Variants in BTBD9 observed in about 807,000 individuals in gnomAD.
BTBD9 encodes the protein BTB/POZ domain-containing protein 9.
A neutral mutation model predicts 64.3 loss-of-function variants in BTBD9; 49 were observed. The ratio of observed to expected loss-of-function variants is 0.76; its 90% CI spans 0.61 to 0.97. BTBD9 has a LOEUF of 0.97. Ranked by LOEUF, BTBD9 falls within the 50% of genes least tolerant of loss-of-function variation. BTBD9 has a pLI of 0.00. For synonymous variants in BTBD9, 260 were observed against 274.7 expected (o/e 0.95, Z 0.53); for missense variants, 598 against 762.1 (o/e 0.78, Z 2.53).
intron 6 of BTBD9, among the ~76,000 whole-genome samples, chr6:38,424,835 T>TTATTA (rs1768074472): frequency 6.6e-6 from 1 of 150,840 alleles, no homozygotes; most frequent in African/African-American, 2.4e-5. Flanking sequence ...TTATTTTATT[T>TTATTA]TTATTATTAT....
At chr6:38,267,807 G>A (rs1433636373) in intron 8 of BTBD9, among the ~76,000 whole-genome samples, 4 of 152,140 alleles carry the variant, frequency 2.6e-5, no homozygotes, top group African/African-American at 9.7e-5. Flanking sequence ...GGGCGAGGTG[G>A]CAGGCGCCTG....
chr6:38,557,362 T>A (rs1174904302), intron 6 of BTBD9, among the ~76,000 whole-genome samples: 1 of 151,976 alleles, frequency 6.6e-6, no homozygotes, highest in Non-Finnish European at 1.5e-5. Context: ...AATAAATAAA[T>A]AAATAATAAA....
At chr6:38,364,445 T>G (rs919126959) in intron 6 of BTBD9, among the ~76,000 whole-genome samples, 3 of 152,360 alleles carry the variant, frequency 2.0e-5, no homozygotes, top group African/African-American at 7.2e-5. Flanking sequence ...AAGTGATATG[T>G]AATTTTCTAT....
At chr6:38,220,927 T>C (rs1192552715) in intron 9 of BTBD9, among the ~76,000 whole-genome samples, 2 of 152,268 alleles carry the variant, frequency 1.3e-5, no homozygotes, top group East Asian at 3.9e-4. Flanking sequence ...AGAGAAAGGC[T>C]CTCCAAGGTC....
chr6:38,266,514 A>G (rs1182311231), intron 8 of BTBD9, among the ~76,000 whole-genome samples: 3 of 151,960 alleles, frequency 2.0e-5, no homozygotes, highest in Admixed American at 6.6e-5. Flanking sequence ...AGGGGGTTGC[A>G]GGGAGCCGAG....
At chr6:38,524,609 C>T (rs1036096973) in intron 6 of BTBD9, among the ~76,000 whole-genome samples, 2 of 151,910 alleles carry the variant, frequency 1.3e-5, no homozygotes, top group South Asian at 4.2e-4. Flanking sequence ...GAAAAATGTA[C>T]ACAATGACTA....
At chr6:38,356,382 A>G (rs1764729321) in intron 6 of BTBD9, among the ~76,000 whole-genome samples, 1 of 151,654 alleles carries the variant, frequency 6.6e-6, no homozygotes, top group Non-Finnish European at 1.5e-5. Flanking sequence ...GCATTTTTAT[A>G]TTTTCTCTAT....
At chr6:38,273,801 C>T (rs1461389268) in intron 8 of BTBD9, among the ~76,000 whole-genome samples, 1 of 152,174 alleles carries the variant, frequency 6.6e-6, no homozygotes, top group Non-Finnish European at 1.5e-5. Context: ...ATCTGCTTAC[C>T]ACTTTGTTGT....
intron 10 of BTBD9, among the ~76,000 whole-genome samples, chr6:38,187,980 G>T (rs958854517): frequency 6.6e-6 from 1 of 152,214 alleles, no homozygotes; most frequent in African/African-American, 2.4e-5. Flanking sequence ...GGATCGGAGG[G>T]AAGCGGGGAA....
At chr6:38,603,703 G>A (rs1209996502) in intron 1 of BTBD9, among the ~76,000 whole-genome samples, 1 of 152,222 alleles carries the variant, frequency 6.6e-6, no homozygotes, top group Non-Finnish European at 1.5e-5. Flanking sequence ...AACACTGTAT[G>A]AATCTCCCCT....
intron 6 of BTBD9, among the ~76,000 whole-genome samples, chr6:38,474,529 G>GA (rs1308449267): frequency 6.6e-6 from 1 of 151,158 alleles, no homozygotes; most frequent in Admixed American, 6.6e-5. Context: ...TCTCAAGAAA[G>GA]AAAAAACAGA....
At chr6:38,522,462 C>A (rs1015854741) in intron 6 of BTBD9, among the ~76,000 whole-genome samples, 2 of 152,196 alleles carry the variant, frequency 1.3e-5, no homozygotes, top group African/African-American at 4.8e-5. Context: ...TGTTCTGCAG[C>A]CTCTGACATC....
At chr6:38,507,990 C>T (rs1487466685) in intron 6 of BTBD9, among the ~76,000 whole-genome samples, 2 of 152,018 alleles carry the variant, frequency 1.3e-5, no homozygotes, top group Admixed American at 1.3e-4. Flanking sequence ...CCCGCCACCA[C>T]ACCCCCCTAA....
At chr6:38,270,768 A>G (rs1765173486) in intron 8 of BTBD9, among the ~76,000 whole-genome samples, 1 of 152,160 alleles carries the variant, frequency 6.6e-6, no homozygotes, top group Non-Finnish European at 1.5e-5. Flanking sequence ...TAGGACCACA[A>G]AGGGTTGCAA....
chr6:38,340,057 T>G (rs944362964), intron 7 of BTBD9, among the ~76,000 whole-genome samples: 3 of 152,154 alleles, frequency 2.0e-5, no homozygotes, highest in African/African-American at 7.2e-5. Flanking sequence ...ATTTTACCTA[T>G]GAGGAAAAAG....
At chr6:38,589,484 A>G (rs1281505848) in intron 4 of BTBD9, among the ~76,000 whole-genome samples, 1 of 152,132 alleles carries the variant, frequency 6.6e-6, no homozygotes, top group African/African-American at 2.4e-5. Flanking sequence ...AAAGCCTAAC[A>G]CTAATTACTC....
chr6:38,553,232 T>A (rs779773509), intron 6 of BTBD9, among the ~76,000 whole-genome samples: 1 of 152,200 alleles, frequency 6.6e-6, no homozygotes, highest in Non-Finnish European at 1.5e-5. Context: ...AGAAAAGCCA[T>A]CAGACCCTAA....
intron 9 of BTBD9, among the ~76,000 whole-genome samples, chr6:38,209,880 A>T (rs2127498366): frequency 6.6e-6 from 1 of 152,286 alleles, no homozygotes; most frequent in South Asian, 2.1e-4. Flanking sequence ...ACTTGCATCT[A>T]CTGCTCTAAC....
rs372148337 is a variant in BTBD9 at position 38,555,365 on chromosome 6, A to C, written c.1154+22235T>G. Among the ~76,000 whole-genome samples the C allele has an allele frequency of 7.9e-5, 12 of 152,330 alleles. No individual in the cohort carries two copies. The South Asian group carries it at 1.4e-3, about 18-fold the overall frequency. On this transcript the variant is annotated intron_variant, in intron 6 of 10. Transcript: ENST00000481247. ...TTCTCATTATTCCAGAACAACAATT[A>C]CCTGAAAAAGGACATTTAAAGTGAA... is the stretch of plus-strand genomic sequence containing the variant.
Sources: gnomAD v4.1 joint callset for allele counts (sites outside exome capture counted in the v4.1 genomes callset) on GRCh38, gnomAD v4.1.1 for gene constraint, MANE v1.5 for transcripts, NCBI Gene and HGNC (gene_info 2026-07-23, HGNC 2026-07-21) for gene names.